The following FBXW12 variants were observed in gnomAD, a reference collection of about 807,000 sequenced individuals.
The protein encoded by FBXW12 is F-box and WD repeat domain containing 12, also known as F-box/WD repeat-containing protein 12.
In FBXW12, 43 loss-of-function variants were observed where a neutral mutation model predicts 55.3. The observed-to-expected ratio is 0.78, with a 90% confidence interval of 0.61 to 1.00. FBXW12 has a LOEUF of 1.00. FBXW12 is among the 50% of genes least tolerant of loss of function. FBXW12 has a pLI of 0.00. For synonymous variants in FBXW12, 184 were observed against 203.8 expected, an observed-to-expected ratio of 0.90 and a Z score of 0.83; for missense variants, 524 against 560.5, an observed-to-expected ratio of 0.93 and a Z score of 0.66.
chr3:48,373,511 TGA>T (rs773419035), intron 3 of FBXW12, 35 bp from the exon 4 acceptor site: 1 of 1,606,860 alleles, frequency 6.2e-7, no homozygotes, highest in South Asian at 1.1e-5. Flanking sequence ...GTGAACTGAC[TGA>T]GAACAGCCTG....
chr3:48,393,491 T>C (rs6810270), intron 10 of FBXW12, among the ~76,000 whole-genome samples: 3,136 of 152,256 alleles, frequency 0.021, 95 homozygotes, highest in African/African-American at 0.067. Context: ...ACTTCATTAA[T>C]ACAGAACAAG....
Position 48,381,975 on chromosome 3 carries a change from C to A in FBXW12, c.1185C>A (p.Thr395=), listed in dbSNP as rs770722915. 6.2e-7 allele frequency: 1 copy of A among 1,614,178 alleles called. No individual in the cohort carries two copies. Among genetic ancestry groups the A allele is most frequent in the Admixed American group, 1.7e-5 (1 of 60,022 alleles). ...GGAAGGATCCTTGCTATGTGCTCACCACATCCGAGAACTCTGTGCACGTGT... is the reference window on the plus strand; with the variant it reads ...GGAAGGATCCTTGCTATGTGCTCACAACATCCGAGAACTCTGTGCACGTGT... ...NFWVDPCYVL[T]TSENSVHVYM... The change falls in exon 10 of 11, where the codon ACC becomes ACA. Residue 395 remains threonine (T), a synonymous_variant. Transcript: ENST00000296438.
intron 4 of FBXW12, among the ~76,000 whole-genome samples, chr3:48,374,143 AC>A (rs567368615): frequency 1.3e-5 from 2 of 151,606 alleles, no homozygotes; most frequent in Non-Finnish European, 2.9e-5. Flanking sequence ...ACAAAGTGAG[AC>A]CCCCCCTCCA....
At chr3:48,376,501 C>CTCAAAACTG (rs1291336969) in intron 5 of FBXW12, among the ~76,000 whole-genome samples, 2 of 152,230 alleles carry the variant, frequency 1.3e-5, no homozygotes, top group Admixed American at 6.5e-5. Flanking sequence ...AAGGATTTAT[C>CTCAAAACTG]TCAAAACTGA....
At chr3:48,373,002 C>T (rs1296172016) in intron 2 of FBXW12, 145 bp downstream of exon 2, 8 of 845,288 alleles carry the variant, frequency 9.5e-6, no homozygotes, top group African/African-American at 1.7e-5. Flanking sequence ...TTCTGTTAAA[C>T]GAAAAGGACA....
chr3:48,378,617 T>TG, intron 6 of FBXW12, 91 bp downstream of exon 6: 1 of 860,666 alleles, frequency 1.2e-6, no homozygotes, highest in Non-Finnish European at 1.7e-6. Context: ...CTATCCCTTT[T>TG]TTTTTTTTTT....
At chr3:48,386,981 A>C (rs73831575) in intron 10 of FBXW12, among the ~76,000 whole-genome samples, 10,194 of 148,194 alleles carry the variant, frequency 0.069, 456 homozygotes, top group Middle Eastern at 0.092. Context: ...CTTGTCCTCC[A>C]GGCTGGAGTG....
rs200192679 is a variant in FBXW12 at position 48,378,462 on chromosome 3, T to C, written c.551T>C (p.Leu184Pro). The C allele has an allele frequency of 6.2e-7, 1 of 1,613,970 alleles. No homozygotes were observed. The highest frequency in any genetic ancestry group is 2.2e-5 in the East Asian group (1 of 44,882). ...CAGGACAGGGACGCTCTGGCTGTTCTCCCCATGCCACAGCCCTGTTATTGC... is the reference window on the plus strand; with the variant it reads ...CAGGACAGGGACGCTCTGGCTGTTCCCCCCATGCCACAGCCCTGTTATTGC... ...NCQDRDALAV[L>P]PMPQPCYCME... is the part of the protein sequence containing the mutation. Residue 184 changes from leucine to proline, a missense_variant, in exon 6 of 11, where the codon CTC becomes CCC. Leu to Pro is a moderately conservative substitution (Grantham distance 98). Transcript: ENST00000296438.
At chr3:48,388,628 A>G (rs1336411517) in intron 10 of FBXW12, among the ~76,000 whole-genome samples, 2 of 152,064 alleles carry the variant, frequency 1.3e-5, no homozygotes, top group Non-Finnish European at 2.9e-5. Context: ...TTTACTTCCA[A>G]TCTACTTATA....
At position 48,373,324 on chromosome 3, in the gene FBXW12, C is replaced by T. The variant is rs2036630819; in HGVS notation, c.107C>T (p.Ala36Val). The change falls in exon 3 of 11, where the codon GCA becomes GTA. Residue 36 changes from alanine to valine, a missense_variant. Coordinates refer to ENST00000296438, the MANE Select transcript of FBXW12 (RefSeq NM_207102.2). ...SQVNKHWNRIADSDYLWRSLS... is the reference protein window; with the variant it reads ...SQVNKHWNRIVDSDYLWRSLS... ...CTCCCATAGCATTGGAATAGGATTG[C>T]AGACAGTGATTACCTGTGGAGGTAA... The T allele has an allele frequency of 6.2e-7, 1 of 1,614,076 alleles. No homozygotes were observed. The highest frequency in any genetic ancestry group is 8.5e-7 in the Non-Finnish European group (1 of 1,180,000).
chr3:48,385,370 G>GTGTGTA (rs1355784386), intron 10 of FBXW12, among the ~76,000 whole-genome samples: 2 of 142,326 alleles, frequency 1.4e-5, no homozygotes, highest in Non-Finnish European at 3.1e-5. Flanking sequence ...GTGTGTGTGT[G>GTGTGTA]TATGTATCTA....
intron 10 of FBXW12, among the ~76,000 whole-genome samples, chr3:48,394,324 A>T (rs2036974432): frequency 6.6e-6 from 1 of 152,222 alleles, no homozygotes; most frequent in Non-Finnish European, 1.5e-5. Flanking sequence ...GTCAAATCAG[A>T]TACTGACAAT....
chr3:48,386,799 T>G (rs1420329228), intron 10 of FBXW12, among the ~76,000 whole-genome samples: 1 of 152,188 alleles, frequency 6.6e-6, no homozygotes, highest in Non-Finnish European at 1.5e-5. Flanking sequence ...GAACATTAAA[T>G]CAGCCTTGCA....
intron 10 of FBXW12, among the ~76,000 whole-genome samples, chr3:48,387,885 G>C (rs1023609088): frequency 6.6e-6 from 1 of 152,112 alleles, no homozygotes; most frequent in Admixed American, 6.6e-5. Context: ...TCTTAAGGTG[G>C]ATGTTTAGAT....
intron 2 of FBXW12, among the ~76,000 whole-genome samples, 163 bp from the exon 3 acceptor site, chr3:48,373,145 G>T (rs2036628021): frequency 6.6e-6 from 1 of 152,158 alleles, no homozygotes; most frequent in Admixed American, 6.5e-5. Flanking sequence ...GGTCTCTGTT[G>T]TTACCATTTC....
rs184883163 is a variant in FBXW12 at position 48,378,443 on chromosome 3, A to G, written c.532A>G (p.Arg178Gly). ...KTIKVWNCQD[R>G]DALAVLPMPQ... ...TATCAAAGTGTGGAACTGTCAGGAC[A>G]GGGACGCTCTGGCTGTTCTCCCCAT... The change falls in exon 6 of 11, where the codon AGG becomes GGG. Residue 178 changes from arginine to glycine, a missense_variant. Transcript: ENST00000296438. The G allele has an allele frequency of 6.2e-7, 1 of 1,614,120 alleles. No homozygotes were observed. Among genetic ancestry groups the G allele is most frequent in the East Asian group, 2.2e-5 (1 of 44,880 alleles).
intron 10 of FBXW12, among the ~76,000 whole-genome samples, chr3:48,385,349 TGTGTG>T (rs2036833502): frequency 1.3e-5 from 2 of 151,522 alleles, no homozygotes; most frequent in Non-Finnish European, 2.9e-5. Context: ...TGTGTGTGTG[TGTGTG>T]TGTGTGTGTG....
In FBXW12 at chr3:48,394,616, T is replaced by C; in HGVS notation, c.1352T>C (p.Val451Ala). Residue 451 changes from valine to alanine, a missense_variant, in exon 11 of 11, where the codon GTA (valine) becomes GCA (alanine). Coordinates refer to ENST00000296438, the MANE Select transcript of FBXW12 (RefSeq NM_207102.2). Reference protein sequence around the residue: ...NASIVLRVRKVSDSSILVMYS... With the variant: ...NASIVLRVRKASDSSILVMYS... ...AGCATAGTACTTAGGGTGAGGAAAG[T>C]AAGTGACTCCAGCATTCTGGTGATG... 6.2e-7 allele frequency: 1 copy of C among 1,607,624 alleles called. No individual in the cohort carries two copies. Among genetic ancestry groups the C allele is most frequent in the Non-Finnish European group, 8.5e-7 (1 of 1,176,688 alleles).
chr3:48,375,269 G>T, intron 4 of FBXW12, 85 bp from the exon 5 acceptor site: 3 of 874,898 alleles, frequency 3.4e-6, no homozygotes, highest in African/African-American at 1.7e-5. Flanking sequence ...TCCTAAGAGG[G>T]TACAGAAATA....
Sources: gnomAD v4.1 joint callset for allele counts (sites outside exome capture counted in the v4.1 genomes callset) on GRCh38, gnomAD v4.1.1 for gene constraint, MANE v1.5 for transcripts, NCBI Gene and HGNC (gene_info 2026-07-23, HGNC 2026-07-21) for gene names.